RFX4: variants seen among roughly 807,000 people sequenced by gnomAD.
The protein encoded by RFX4 is transcription factor RFX4.
A neutral mutation model predicts 95.0 loss-of-function variants in RFX4; 10 were observed. The observed-to-expected ratio is 0.11, with a 90% CI of 0.06 to 0.18. RFX4 has a LOEUF of 0.18. RFX4 is among the 10% of genes least tolerant of loss of function. The probability of loss-of-function intolerance (pLI) is 1.00; values close to 1 mark genes in which losing one functional copy is unlikely to be tolerated. For synonymous variants in RFX4, 321 were observed against 340.7 expected, an observed-to-expected ratio of 0.94 and a Z score of 0.64; for missense variants, 640 against 922.0, an observed-to-expected ratio of 0.69 and a Z score of 3.96.
At chr12:106,661,334 G>T (rs545556356) in intron 4 of RFX4, among the ~76,000 whole-genome samples, 15 of 152,256 alleles carry the variant, frequency 9.9e-5, no homozygotes, top group African/African-American at 3.1e-4. Flanking sequence ...TTTAATCCTC[G>T]CATACTCTGT....
chr12:106,695,756 C>T (rs2041866809), intron 7 of RFX4, among the ~76,000 whole-genome samples: 1 of 152,110 alleles, frequency 6.6e-6, no homozygotes, highest in Middle Eastern at 3.2e-3. Flanking sequence ...TTGCACTTGA[C>T]CCAATCTTTG....
chr12:106,604,781 A>G (rs2039791364), intron 1 of RFX4, among the ~76,000 whole-genome samples: 1 of 152,244 alleles, frequency 6.6e-6, no homozygotes, highest in Non-Finnish European at 1.5e-5. Flanking sequence ...AAGGCTGACA[A>G]AGAATATGGA....
intron 11 of RFX4, 145 bp from the exon 12 acceptor site, chr12:106,719,815 G>A (rs2042362919): frequency 1.6e-6 from 1 of 637,748 alleles, no homozygotes; most frequent in Non-Finnish European, 2.7e-6. Flanking sequence ...GTTTTATAAA[G>A]TCTTGAATGC....
At chr12:106,755,775 C>T (rs2043097417) in intron 17 of RFX4, among the ~76,000 whole-genome samples, 1 of 152,190 alleles carries the variant, frequency 6.6e-6, no homozygotes, top group African/African-American at 2.4e-5. Context: ...TTCACTACAT[C>T]AGACTCACCA....
chr12:106,739,709 CATG>C (rs2042774753), intron 15 of RFX4, among the ~76,000 whole-genome samples: 1 of 152,140 alleles, frequency 6.6e-6, no homozygotes, highest in Admixed American at 6.5e-5. Context: ...ACGGCAATGT[CATG>C]ATAAGAGGCT....
chr12:106,741,298 G>A (rs546648734), intron 15 of RFX4, among the ~76,000 whole-genome samples: 2 of 152,156 alleles, frequency 1.3e-5, no homozygotes, highest in Admixed American at 6.5e-5. Flanking sequence ...CAAAAAAAAA[G>A]ATGATAGCCA....
chr12:106,589,462 C>A (rs563966821), intron 1 of RFX4, among the ~76,000 whole-genome samples: 1 of 152,148 alleles, frequency 6.6e-6, no homozygotes, highest in Non-Finnish European at 1.5e-5. Context: ...GAGTACCTAC[C>A]ATGTATCAGC....
intron 1 of RFX4, among the ~76,000 whole-genome samples, chr12:106,592,509 A>T (rs2039562599): frequency 6.6e-6 from 1 of 152,150 alleles, no homozygotes; most frequent in African/African-American, 2.4e-5. Context: ...CTCAGAGACG[A>T]CGTATGTTGC....
chr12:106,706,000 A>G (rs1200494682), intron 8 of RFX4, among the ~76,000 whole-genome samples: 1 of 152,266 alleles, frequency 6.6e-6, no homozygotes, highest in East Asian at 1.9e-4. Flanking sequence ...TGTCACAACT[A>G]CATGGTCTTT....
chr12:106,683,503 T>G (rs1159926710), intron 5 of RFX4: 2 of 66,170 alleles, frequency 3.0e-5, no homozygotes, highest in Non-Finnish European at 6.6e-5. Flanking sequence ...AAAACAAACC[T>G]CAGTTATAAT....
Position 106,682,067 on chromosome 12 carries a change from C to T in RFX4, c.377+13C>T, listed in dbSNP as rs748936687. The T allele has an allele frequency of 1.5e-5, 25 of 1,613,872 alleles. No homozygotes were observed. The highest frequency in any genetic ancestry group is 9.9e-5 in the South Asian group (9 of 91,086). On this transcript the variant is annotated intron_variant, in intron 5 of 17. Transcript: ENST00000392842. ...GAGGACAGTCAAAGTAAGCACCGGA[C>T]GGCCATTCCACCTGCAGAGCGCACA...
At chr12:106,612,772 A>G (rs145981231) in intron 2 of RFX4, among the ~76,000 whole-genome samples, 15,484 of 151,948 alleles carry the variant, frequency 0.1, 974 homozygotes, top group Middle Eastern at 0.14. Flanking sequence ...TGGGAGGCAG[A>G]GGGTGCAGTG....
Position 106,607,884 on chromosome 12 carries a change from T to A in RFX4, c.44-913T>A, listed in dbSNP as rs532095457. Among the ~76,000 whole-genome samples the A allele has an allele frequency of 8.6e-5, 13 of 151,824 alleles. No individual in the cohort carries two copies. In the East Asian group the frequency reaches 2.3e-3, roughly 27 times the overall value. On this transcript the variant is annotated intron_variant, in intron 1 of 17. Transcript: ENST00000392842. Reference sequence around the variant, plus strand: ...TGGATTAAAAAAAAACAAACCATAGTCTTGGATTTTAAAAGGGCTACATAG... The same window carrying A: ...TGGATTAAAAAAAAACAAACCATAGACTTGGATTTTAAAAGGGCTACATAG...
At chr12:106,601,052 T>G in intron 1 of RFX4, 2 of 1,128,444 alleles carry the variant, frequency 1.8e-6, no homozygotes. Context: ...AAATCAATAT[T>G]TGGTAAATGA....
chr12:106,663,276 C>T (rs1479022152), intron 4 of RFX4, among the ~76,000 whole-genome samples: 1 of 151,896 alleles, frequency 6.6e-6, no homozygotes, highest in Non-Finnish European at 1.5e-5. Flanking sequence ...TTATACATAG[C>T]TTGTTAGATT....
chr12:106,602,225 T>A (rs1250946755), intron 1 of RFX4, among the ~76,000 whole-genome samples: 1 of 152,196 alleles, frequency 6.6e-6, no homozygotes, highest in Non-Finnish European at 1.5e-5. Context: ...ATGAAGCATG[T>A]GGAGCGGGGC....
At chr12:106,626,225 A>C (rs1440574804) in intron 2 of RFX4, among the ~76,000 whole-genome samples, 1 of 152,212 alleles carries the variant, frequency 6.6e-6, no homozygotes, top group Non-Finnish European at 1.5e-5. Flanking sequence ...GCCTTTTAAC[A>C]ATACTTGCAG....
intron 15 of RFX4, 129 bp downstream of exon 15, chr12:106,733,214 T>TA (rs2042646828): frequency 3.2e-6 from 3 of 951,634 alleles, no homozygotes; most frequent in Non-Finnish European, 3.2e-6. Context: ...CTCACACCTG[T>TA]AGTCCCAGCT....
intron 13 of RFX4, among the ~76,000 whole-genome samples, chr12:106,724,748 G>A (rs1236885840): frequency 6.6e-6 from 1 of 152,080 alleles, no homozygotes; most frequent in African/African-American, 2.4e-5. Flanking sequence ...TCAGCTGGGC[G>A]CGATGGCTCA....
Sources: gnomAD v4.1 joint callset for allele counts (sites outside exome capture counted in the v4.1 genomes callset) on GRCh38, gnomAD v4.1.1 for gene constraint, MANE v1.5 for transcripts, NCBI Gene and HGNC (gene_info 2026-07-23, HGNC 2026-07-21) for gene names.